KIF26B: variants seen among roughly 807,000 people sequenced by gnomAD.
KIF26B encodes kinesin family member 26B.
Under a neutral mutation model 151.2 loss-of-function variants are expected in KIF26B, and 63 were observed. The ratio of observed to expected loss-of-function variants is 0.42; its 90% CI spans 0.34 to 0.51. The LOEUF is 0.51. KIF26B is among the 20% of genes least tolerant of loss of function. KIF26B has a pLI of 0.07. For synonymous variants in KIF26B, 1,357 were observed against 1,262.1 expected (o/e 1.08, Z -1.59); for missense variants, 2,813 against 2,913.6 (o/e 0.97, Z 0.79).
intron 5 of KIF26B, among the ~76,000 whole-genome samples, chr1:245,583,386 T>A (rs929240822): frequency 1.3e-5 from 2 of 152,064 alleles, no homozygotes; most frequent in Non-Finnish European, 2.9e-5. Flanking sequence ...AGCCTGAAAC[T>A]TCCAGATTTG....
rs751468524 is a variant in KIF26B, at chr1:245,698,844, G to A, written c.6028-43G>A. The A allele has an allele frequency of 6.3e-7, 1 of 1,595,168 alleles. No individual in the cohort carries two copies. The highest frequency in any genetic ancestry group is 1.3e-5 in the African/African-American group (1 of 74,798). On this transcript the variant is annotated intron_variant, in intron 13 of 14. Transcript: ENST00000407071. The surrounding 1 kb of genome is among the most constrained non-coding windows in gnomAD (Gnocchi z 4.0). ...CAGGTGCTCCTGTGGTGTGGGCTGG[G>A]TGTGAGCAGAAGGGCCCTTTCTCCT...
intron 2 of KIF26B, among the ~76,000 whole-genome samples, chr1:245,222,534 T>C (rs1669795870): frequency 6.6e-6 from 1 of 152,134 alleles, no homozygotes; most frequent in Non-Finnish European, 1.5e-5. Context: ...GAAGAAAATA[T>C]AGGTGAATTT....
rs1253713174 is a variant in KIF26B at position 245,156,351 on chromosome 1, T to C, written c.133T>C (p.Tyr45His). The C allele has an allele frequency of 1.3e-6, 2 of 1,545,894 alleles. No homozygotes were observed. The highest frequency in any genetic ancestry group is 1.7e-6 in the Non-Finnish European group (2 of 1,145,214). The change falls in exon 2 of 15, where the codon TAC (tyrosine) becomes CAC (histidine). Residue 45 changes from tyrosine (Y) to histidine (H), a missense_variant. Tyr to His is a moderately conservative substitution (Grantham distance 83). Around this residue, in one of 3 missense-constraint regions of KIF26B, gnomAD observed 676 missense variants for 688.1 expected, o/e 0.98. Transcript: ENST00000407071. ...CCCGGAAAGCTGGTACCGGAAAGCA[T>C]ACGAGGAGTCGCGCGCCGGCAGCCG... ...FSPESWYRKAYEESRAGSRPT... is the reference protein window; with the variant it reads ...FSPESWYRKAHEESRAGSRPT...
At chr1:245,219,566 C>T (rs1669722640) in intron 2 of KIF26B, among the ~76,000 whole-genome samples, 1 of 151,944 alleles carries the variant, frequency 6.6e-6, no homozygotes, top group South Asian at 2.1e-4. Context: ...AACTCCATCT[C>T]TACAAAAAAT....
At chr1:245,481,920 C>A (rs533462406) in intron 4 of KIF26B, among the ~76,000 whole-genome samples, 1 of 151,580 alleles carries the variant, frequency 6.6e-6, no homozygotes, top group African/African-American at 2.4e-5. Flanking sequence ...AGCGTCTAAC[C>A]GATAGGGACT....
At chr1:245,362,264 C>G (rs1296462832) in intron 2 of KIF26B, among the ~76,000 whole-genome samples, 1 of 149,998 alleles carries the variant, frequency 6.7e-6, no homozygotes, top group Non-Finnish European at 1.5e-5. Context: ...TGCGGTGGCT[C>G]ATGCCGGTAA....
chr1:245,524,454 C>A (rs570492424), intron 4 of KIF26B, among the ~76,000 whole-genome samples: 17 of 152,196 alleles, frequency 1.1e-4, no homozygotes, highest in African/African-American at 4.1e-4. Context: ...CTGGAGATAC[C>A]TAGTCTTCCT....
chr1:245,566,915 A>T (rs1452235789), intron 5 of KIF26B, among the ~76,000 whole-genome samples: 2 of 151,850 alleles, frequency 1.3e-5, no homozygotes, highest in East Asian at 3.9e-4. Context: ...TGACAGAGTG[A>T]GACTCCAACT....
At chr1:245,578,413 G>A (rs1310443338) in intron 5 of KIF26B, among the ~76,000 whole-genome samples, 2 of 152,212 alleles carry the variant, frequency 1.3e-5, no homozygotes, top group Non-Finnish European at 2.9e-5. Flanking sequence ...TTTTGCTTAA[G>A]CTGTAACAAA....
rs115418061 is a variant in KIF26B at position 245,367,442 on chromosome 1, C to T, written c.999+75C>T. 29,061 of 1,305,950 alleles carry T rather than the reference C, an allele frequency of 0.022. 367 individuals carry two copies. The highest frequency in any genetic ancestry group is 0.027 in the Non-Finnish European group (25,460 of 956,534). 80.9% of individuals were successfully genotyped at this position (1,305,950 alleles called of 1,614,324 possible). Reference sequence around the variant, plus strand: ...CGGAGAAGTAGGCAGCACTTCCTTCCGCTGCCTCCTCCCGGGAACCCTGTA... The same window carrying T: ...CGGAGAAGTAGGCAGCACTTCCTTCTGCTGCCTCCTCCCGGGAACCCTGTA... On this transcript the variant is annotated intron_variant, in intron 3 of 14. Coordinates refer to ENST00000407071, the MANE Select transcript of KIF26B (RefSeq NM_018012.4). This position sits in a 1 kb window ranked among gnomAD's most constrained non-coding sequence, Gnocchi z 4.2.
At chr1:245,526,548 T>C (rs1661239341) in intron 4 of KIF26B, among the ~76,000 whole-genome samples, 1 of 152,142 alleles carries the variant, frequency 6.6e-6, no homozygotes, top group African/African-American at 2.4e-5. Context: ...AATATTAGAA[T>C]GAAAGGGGGG....
chr1:245,323,572 A>G (rs540357716), intron 2 of KIF26B, among the ~76,000 whole-genome samples: 1 of 152,204 alleles, frequency 6.6e-6, no homozygotes. Context: ...ACAGATTTGT[A>G]TGGCGGATTG....
At chr1:245,453,300 G>A (rs1332702792) in intron 4 of KIF26B, among the ~76,000 whole-genome samples, 1 of 152,136 alleles carries the variant, frequency 6.6e-6, no homozygotes, top group East Asian at 1.9e-4. Flanking sequence ...ACAGAAGCCT[G>A]AGGCAAAAGG....
chr1:245,648,646 T>A (rs933286601), intron 10 of KIF26B, among the ~76,000 whole-genome samples: 22 of 145,954 alleles, frequency 1.5e-4, no homozygotes, highest in Admixed American at 2.7e-4. Context: ...AAAAAAAAAA[T>A]AAATGAAAGT....
At chr1:245,424,233 G>A (rs1658569749) in intron 4 of KIF26B, among the ~76,000 whole-genome samples, 1 of 152,142 alleles carries the variant, frequency 6.6e-6, no homozygotes, top group Admixed American at 6.5e-5. Context: ...TCCGCTCGCT[G>A]CAACCTCTGC....
chr1:245,651,836 C>G (rs184881929), intron 10 of KIF26B, among the ~76,000 whole-genome samples: 1 of 152,156 alleles, frequency 6.6e-6, no homozygotes, highest in African/African-American at 2.4e-5. Flanking sequence ...CCAAACCATT[C>G]CCTACTCCCA....
intron 10 of KIF26B, among the ~76,000 whole-genome samples, chr1:245,663,053 A>T: frequency 6.9e-6 from 1 of 144,224 alleles, no homozygotes; most frequent in Non-Finnish European, 1.5e-5. Context: ...CCCTTCTGCT[A>T]TTTTGTCCTA....
chr1:245,477,631 G>A (rs1374544034), intron 4 of KIF26B, among the ~76,000 whole-genome samples: 1 of 151,814 alleles, frequency 6.6e-6, no homozygotes, highest in African/African-American at 2.4e-5. Flanking sequence ...AACCAAGCAG[G>A]TGTCTGGATA....
intron 4 of KIF26B, among the ~76,000 whole-genome samples, chr1:245,429,359 C>A (rs368019363): frequency 6.6e-6 from 1 of 152,164 alleles, no homozygotes; most frequent in African/African-American, 2.4e-5. Flanking sequence ...ATCTGTCTAA[C>A]GACTGTCCAG....
Sources: gnomAD v4.1 joint callset for allele counts (sites outside exome capture counted in the v4.1 genomes callset) on GRCh38, gnomAD v4.1.1 for gene constraint, gnomAD v4.1.1 regional missense constraint, Gnocchi (gnomAD v3.1) non-coding constraint, MANE v1.5 for transcripts, NCBI Gene and HGNC (gene_info 2026-07-23, HGNC 2026-07-21) for gene names.